TTC7B: variants seen among roughly 807,000 people sequenced by gnomAD.
TTC7B encodes tetratricopeptide repeat domain 7B, also known as tetratricopeptide repeat protein 7B.
TTC7B carries 28 observed loss-of-function variants against 106.8 expected under a neutral mutation model. That is an observed-to-expected ratio of 0.26 (90% CI 0.19 to 0.36). The LOEUF (loss-of-function observed/expected upper bound fraction) is 0.36, where lower values mean the gene tolerates loss of function less well. Ranked by LOEUF, TTC7B falls within the 10% of genes least tolerant of loss-of-function variation. The probability of loss-of-function intolerance (pLI) is 1.00; values close to 1 mark genes in which losing one functional copy is unlikely to be tolerated. For missense variants in TTC7B, 862 were observed against 1,076.4 expected, an observed-to-expected ratio of 0.80 and a Z score of 2.79; for synonymous variants, 405 against 430.6, an observed-to-expected ratio of 0.94 and a Z score of 0.74.
intron 5 of TTC7B, among the ~76,000 whole-genome samples, chr14:90,723,133 T>G (rs1043773673): frequency 5.9e-5 from 9 of 152,204 alleles, no homozygotes; most frequent in Non-Finnish European, 1.5e-5. Flanking sequence ...CTTTTCCAGA[T>G]CTGATCCTCT....
intron 19 of TTC7B, among the ~76,000 whole-genome samples, chr14:90,542,017 G>A (rs1595141952): frequency 6.6e-6 from 1 of 152,306 alleles, no homozygotes; most frequent in East Asian, 1.9e-4. Context: ...TTGGCTCACT[G>A]CAAGCTCCGC....
intron 9 of TTC7B, among the ~76,000 whole-genome samples, chr14:90,674,124 T>C (rs972771607): frequency 1.3e-5 from 2 of 152,076 alleles, no homozygotes; most frequent in South Asian, 4.2e-4. Context: ...AGTTACTCTT[T>C]TAAATTAAAG....
chr14:90,658,504 GAATGCTTA>G (rs1465431451), intron 9 of TTC7B, 117 bp from the exon 10 acceptor site: 1 of 960,284 alleles, frequency 1.0e-6, no homozygotes, highest in African/African-American at 1.6e-5. Flanking sequence ...TGCTTCCCTT[GAATGCTTA>G]AAACATAATC....
chr14:90,549,952 C>T (rs1428750993), intron 19 of TTC7B, among the ~76,000 whole-genome samples: 1 of 152,074 alleles, frequency 6.6e-6, no homozygotes, highest in Non-Finnish European at 1.5e-5. Flanking sequence ...AACTAGAGAT[C>T]ATAAGACTGA....
intron 15 of TTC7B, among the ~76,000 whole-genome samples, chr14:90,641,685 G>A (rs1310574987): frequency 6.6e-6 from 1 of 152,148 alleles, no homozygotes; most frequent in Non-Finnish European, 1.5e-5. Flanking sequence ...TGAGCTTACG[G>A]CTTAACATTA....
chr14:90,595,708 T>C (rs1027553136), intron 17 of TTC7B, among the ~76,000 whole-genome samples: 1 of 152,130 alleles, frequency 6.6e-6, no homozygotes, highest in African/African-American at 2.4e-5. Flanking sequence ...TAACTTCACA[T>C]CAAAATCATT....
chr14:90,759,632 G>A lies in TTC7B; in HGVS notation c.446-14710C>T, dbSNP rs1890432640. On this transcript the variant is annotated intron_variant, in intron 3 of 19. Transcript: ENST00000328459. This position sits in a 1 kb window ranked among gnomAD's most constrained non-coding sequence, Gnocchi z 4.1. ...AACAGCTTGAAAGTTGACAAATTGAGATGAACCAGCTCGTCGGTGAGTGTA... is the reference window on the plus strand; with the variant it reads ...AACAGCTTGAAAGTTGACAAATTGAAATGAACCAGCTCGTCGGTGAGTGTA... Among the ~76,000 whole-genome samples, 1 of 152,206 alleles carries A rather than the reference G, an allele frequency of 6.6e-6. No homozygotes were observed. Among genetic ancestry groups the A allele is most frequent in the African/African-American group, 2.4e-5 (1 of 41,458 alleles).
intron 19 of TTC7B, among the ~76,000 whole-genome samples, chr14:90,548,193 G>GC (rs1376017788): frequency 6.6e-6 from 1 of 152,218 alleles, no homozygotes; most frequent in Non-Finnish European, 1.5e-5. Flanking sequence ...GCAGTGAGCT[G>GC]TCCCTCACCA....
chr14:90,761,353 T>C (rs1050548350), intron 3 of TTC7B, among the ~76,000 whole-genome samples: 1 of 152,152 alleles, frequency 6.6e-6, no homozygotes, highest in African/African-American at 2.4e-5. Flanking sequence ...GGTTTTCACA[T>C]TTCTGACAAC....
At chr14:90,604,267 A>C (rs1439223893) in intron 17 of TTC7B, among the ~76,000 whole-genome samples, 1 of 152,240 alleles carries the variant, frequency 6.6e-6, no homozygotes, top group Non-Finnish European at 1.5e-5. Flanking sequence ...TTTCTAGAAA[A>C]ATCGAAGTTG....
At position 90,652,901 on chromosome 14, in the gene TTC7B, A is replaced by T. The variant is rs746432375; in HGVS notation, c.1460-3T>A. On this transcript the variant is annotated splice_region_variant and splice_polypyrimidine_tract_variant and intron_variant, in intron 12 of 19. Transcript: ENST00000328459. ...CTCCTGCATCCCTCGCAAAGAAGCT[A>T]AGAAAAGGGTTCAATTAGTCAGTGG... 4 of 1,614,106 alleles carry T rather than the reference A, an allele frequency of 2.5e-6. No individual in the cohort carries two copies. The highest frequency in any genetic ancestry group is 1.7e-5 in the Admixed American group (1 of 60,002).
chr14:90,617,125 G>A (rs1000595035), intron 16 of TTC7B, among the ~76,000 whole-genome samples: 4 of 152,210 alleles, frequency 2.6e-5, no homozygotes, highest in Non-Finnish European at 5.9e-5. Context: ...CTAAAGGGCA[G>A]GCACCGTTGA....
At chr14:90,636,665 C>T (rs552011067) in intron 15 of TTC7B, among the ~76,000 whole-genome samples, 23 of 151,888 alleles carry the variant, frequency 1.5e-4, no homozygotes, top group Non-Finnish European at 2.9e-4. Flanking sequence ...AAAATAAGTT[C>T]GACCAATTTC....
intron 19 of TTC7B, among the ~76,000 whole-genome samples, chr14:90,542,779 C>T (rs979095468): frequency 2.0e-5 from 3 of 152,122 alleles, no homozygotes; most frequent in African/African-American, 4.8e-5. Context: ...CCCATGAGCT[C>T]CTTTTAGTGG....
Position 90,759,569 on chromosome 14 carries a change from G to A in TTC7B, c.446-14647C>T, listed in dbSNP as rs569962190. ...AGGCCCAGAGAGTCACCTGCTGTCA[G>A]AGGAAATGAGCAGTGGGAGGCAGTC... On this transcript the variant is annotated intron_variant, in intron 3 of 19. Transcript: ENST00000328459. The surrounding 1 kb of genome is among the most constrained non-coding windows in gnomAD (Gnocchi z 4.1). Among the ~76,000 whole-genome samples, 9 of 152,342 alleles carry A rather than the reference G, an allele frequency of 5.9e-5. No individual in the cohort carries two copies. The highest frequency in any genetic ancestry group is 2.2e-4 in the African/African-American group (9 of 41,580).
At chr14:90,702,255 G>A (rs150229452) in intron 5 of TTC7B, among the ~76,000 whole-genome samples, 1 of 152,292 alleles carries the variant, frequency 6.6e-6, no homozygotes, top group Non-Finnish European at 1.5e-5. Flanking sequence ...CCTCACTGCT[G>A]TAAGAATTAA....
intron 1 of TTC7B, among the ~76,000 whole-genome samples, chr14:90,789,141 G>A (rs903619502): frequency 1.3e-5 from 2 of 151,874 alleles, no homozygotes; most frequent in Non-Finnish European, 2.9e-5. Flanking sequence ...CGCTCTTGTC[G>A]CCCAGGCTGG....
At chr14:90,791,144 G>A (rs147489552) in intron 1 of TTC7B, among the ~76,000 whole-genome samples, 1 of 152,194 alleles carries the variant, frequency 6.6e-6, no homozygotes, top group African/African-American at 2.4e-5. Context: ...GGAATGTTCT[G>A]GCATCCTGAG....
At chr14:90,751,898 A>G (rs1210542719) in intron 3 of TTC7B, among the ~76,000 whole-genome samples, 2 of 152,318 alleles carry the variant, frequency 1.3e-5, no homozygotes, top group Non-Finnish European at 2.9e-5. Context: ...CCCAAGGTCC[A>G]TGCAGGAGTC....
Sources: gnomAD v4.1 joint callset for allele counts (sites outside exome capture counted in the v4.1 genomes callset) on GRCh38, gnomAD v4.1.1 for gene constraint, Gnocchi (gnomAD v3.1) non-coding constraint, MANE v1.5 for transcripts, NCBI Gene and HGNC (gene_info 2026-07-23, HGNC 2026-07-21) for gene names.